Variants in ZC3H3 observed in about 807,000 individuals in gnomAD.
ZC3H3 encodes zinc finger CCCH domain-containing protein 3.
In ZC3H3, 36 loss-of-function variants were observed where a neutral mutation model predicts 77.3. The observed-to-expected ratio is 0.47, with a 90% CI of 0.36 to 0.61. The LOEUF is 0.61. Ranked by LOEUF, ZC3H3 falls within the 20% of genes least tolerant of loss-of-function variation. The pLI is 0.00. For missense variants in ZC3H3, 1,331 were observed against 1,312.2 expected, an observed-to-expected ratio of 1.01 and a Z score of -0.22; for synonymous variants, 626 against 555.2, an observed-to-expected ratio of 1.13 and a Z score of -1.79.
intron 5 of ZC3H3, 82 bp downstream of exon 5, chr8:143,475,316 G>C (rs1427867418): frequency 6.8e-7 from 1 of 1,472,398 alleles, no homozygotes; most frequent in East Asian, 2.4e-5. Flanking sequence ...GCATGTTGGA[G>C]GTTAGGGGGT....
At chr8:143,508,709 G>A (rs1305374971) in intron 3 of ZC3H3, among the ~76,000 whole-genome samples, 1 of 152,060 alleles carries the variant, frequency 6.6e-6, no homozygotes, top group Admixed American at 6.5e-5. Context: ...AGGGGCTGCT[G>A]CAAGAGGCCC....
At chr8:143,524,116 G>T (rs1256654114) in intron 3 of ZC3H3, among the ~76,000 whole-genome samples, 1 of 152,256 alleles carries the variant, frequency 6.6e-6, no homozygotes, top group African/African-American at 2.4e-5. Flanking sequence ...AGTGTGCCTG[G>T]GAGAGACACC....
intron 3 of ZC3H3, among the ~76,000 whole-genome samples, chr8:143,534,291 A>C (rs1272788605): frequency 1.3e-5 from 2 of 151,128 alleles, no homozygotes; most frequent in Non-Finnish European, 3.0e-5. Context: ...AAAAAAAAAA[A>C]AAAAACGACG....
intron 1 of ZC3H3, 33 bp downstream of exon 1, chr8:143,541,343 G>A (rs773551592): frequency 5.9e-5 from 95 of 1,605,388 alleles, no homozygotes; most frequent in Non-Finnish European, 7.5e-5. Context: ...GGGGAAAGAA[G>A]GGGACTCGCG....
rs1307803943 is a variant in ZC3H3, at chr8:143,533,073, G to T, written c.1561+3184C>A. Among the ~76,000 whole-genome samples, 1 of 152,104 alleles carries T rather than the reference G, an allele frequency of 6.6e-6. No individual in the cohort carries two copies. The highest frequency in any genetic ancestry group is 1.5e-5 in the Non-Finnish European group (1 of 68,008). Reference sequence around the variant, plus strand: ...ACTCGGGCCTGCCAGACACCCCGGGGCCCTGGACACGCCCCTCCCAGGGTC... The same window carrying T: ...ACTCGGGCCTGCCAGACACCCCGGGTCCCTGGACACGCCCCTCCCAGGGTC... On this transcript the variant is annotated intron_variant, in intron 3 of 11. Transcript: ENST00000262577. The surrounding 1 kb of genome is among the most constrained non-coding windows in gnomAD (Gnocchi z 4.0).
In ZC3H3 at chr8:143,541,382, G is replaced by C. The variant is rs751380174; in HGVS notation, c.40C>G (p.Leu14Val). 10 of 1,611,618 alleles carry C rather than the reference G, an allele frequency of 6.2e-6. No homozygotes were observed. Among genetic ancestry groups the C allele is most frequent in the Non-Finnish European group, 2.5e-6 (3 of 1,179,414 alleles). Reference protein sequence around the residue: ...KEILRRQIRLLQGLIDDYKTL... With the variant: ...KEILRRQIRLVQGLIDDYKTL... ...CGGCCCCGGCCGGACCTACCCTGCA[G>C]TAGGCGGATCTGCCGCCGTAATATC... is the stretch of plus-strand genomic sequence containing the variant. The change falls in exon 1 of 12, where the codon CTG (leucine) becomes GTG (valine). Residue 14 changes from leucine to valine, a missense_variant. Transcript: ENST00000262577.
intron 3 of ZC3H3, among the ~76,000 whole-genome samples, chr8:143,512,386 C>T (rs1283910211): frequency 1.3e-5 from 2 of 152,250 alleles, no homozygotes; most frequent in East Asian, 1.9e-4. Context: ...GCAGCTTGCA[C>T]GCCTGCAAAC....
intron 9 of ZC3H3, among the ~76,000 whole-genome samples, chr8:143,464,721 A>C (rs1201475221): frequency 6.6e-6 from 1 of 152,136 alleles, no homozygotes; most frequent in Non-Finnish European, 1.5e-5. Flanking sequence ...CAGCGCCAAC[A>C]CAAGTGTGAG....
Position 143,538,180 on chromosome 8 carries a change from G to A in ZC3H3, c.1187C>T (p.Ser396Leu), listed in dbSNP as rs762877495. 3.6e-5 allele frequency: 58 copies of A among 1,612,894 alleles called. No homozygotes were observed. The highest frequency in any genetic ancestry group is 4.7e-5 in the Non-Finnish European group (56 of 1,180,024). ...ASSSSSFRWQ[S>L]EASSKDHASQ... ...GGCATGGTCCTTGCTGCTGGCCTCC[G>A]ACTGCCAACGGAAGGAGGAAGAGGA... The change falls in exon 2 of 12, where the codon TCG (serine) becomes TTG (leucine). Residue 396 changes from serine (S) to leucine (L), a missense_variant. Physicochemically the swap from Ser to Leu is moderately radical, Grantham distance 145. Around this residue, in one of 3 missense-constraint regions of ZC3H3, gnomAD observed 978 missense variants for 915.5 expected, o/e 1.07. Coordinates refer to ENST00000262577, the MANE Select transcript of ZC3H3 (RefSeq NM_015117.3).
At position 143,507,793 on chromosome 8, in the gene ZC3H3, G is replaced by T. The variant is rs199588360; in HGVS notation, c.1668C>A (p.Phe556Leu). 1.6e-5 allele frequency: 26 copies of T among 1,603,762 alleles called. No homozygotes were observed. Among genetic ancestry groups the T allele is most frequent in the Non-Finnish European group, 1.9e-5 (22 of 1,176,954 alleles). The stretch of plus-strand genomic sequence containing the variant: ...CCCGCCAGGAGGGCAGAGACAGGGG[G>T]AAGGGCGGGGCGCTGAGAGGCGAGG... ...TPASPLSAPP[F>L]PLSLPSWRAR... The change falls in exon 4 of 12, where the codon TTC becomes TTA. Residue 556 changes from phenylalanine (F) to leucine (L), a missense_variant. By Grantham distance (22) the Phe-to-Leu change is conservative (BLOSUM62 0). Around this residue, in one of 3 missense-constraint regions of ZC3H3, gnomAD observed 978 missense variants for 915.5 expected, o/e 1.07. Transcript: ENST00000262577.
At chr8:143,527,151 G>A (rs1473876313) in intron 3 of ZC3H3, among the ~76,000 whole-genome samples, 5 of 152,220 alleles carry the variant, frequency 3.3e-5, no homozygotes, top group Non-Finnish European at 7.4e-5. Context: ...CCTGTGTCCT[G>A]CACCCCAACA....
At position 143,494,007 on chromosome 8, in the gene ZC3H3, G is replaced by A. The variant is rs1042359385; in HGVS notation, c.1715+13739C>T. Among the ~76,000 whole-genome samples, 10 of 152,196 alleles carry A rather than the reference G, an allele frequency of 6.6e-5. No individual in the cohort carries two copies. Among genetic ancestry groups the A allele is most frequent in the Admixed American group, 2.0e-4 (3 of 15,274 alleles). On this transcript the variant is annotated intron_variant, in intron 4 of 11. Coordinates refer to ENST00000262577, the MANE Select transcript of ZC3H3 (RefSeq NM_015117.3). This position sits in a 1 kb window ranked among gnomAD's most constrained non-coding sequence, Gnocchi z 5.3. Reference sequence around the variant, plus strand: ...TAACTTTTACAGCACTTGGGGAGCCGTAACCGCCTGTTCCCATAAAATAAA... The same window carrying A: ...TAACTTTTACAGCACTTGGGGAGCCATAACCGCCTGTTCCCATAAAATAAA...
intron 4 of ZC3H3, among the ~76,000 whole-genome samples, chr8:143,495,281 T>G (rs1408648638): frequency 2.6e-5 from 4 of 152,124 alleles, no homozygotes; most frequent in Admixed American, 2.0e-4. Context: ...AGATGCCAAG[T>G]GAGTGAGCCA....
rs546520664 is a variant in ZC3H3, at chr8:143,478,038, G to A, written c.1716-2453C>T. ...TCGGGGGAAGCACCCAATCCTGCAT[G>A]CCTGACCCCGCCCACGGCACAGGCT... On this transcript the variant is annotated intron_variant, in intron 4 of 11. Transcript: ENST00000262577. Among the ~76,000 whole-genome samples the A allele has an allele frequency of 2.6e-5, 4 of 152,282 alleles. No homozygotes were observed. The South Asian group carries it at 8.3e-4, about 32-fold the overall frequency.
chr8:143,478,511 A>AT (rs1586905727), intron 4 of ZC3H3, among the ~76,000 whole-genome samples: 2 of 151,944 alleles, frequency 1.3e-5, no homozygotes, highest in African/African-American at 4.8e-5. Flanking sequence ...GCTCCTTCTT[A>AT]TTTTTTTGTT....
intron 9 of ZC3H3, among the ~76,000 whole-genome samples, chr8:143,453,935 T>C (rs779016820): frequency 6.6e-6 from 1 of 152,212 alleles, no homozygotes; most frequent in Non-Finnish European, 1.5e-5. Context: ...TATAATATAA[T>C]ACCCAAGGTA....
chr8:143,512,916 C>A lies in ZC3H3; in HGVS notation c.1562-5017G>T, dbSNP rs550429539. ...GGGCAGGACCCCGGGAAGTGCCCCT[C>A]CAGGAGAGCCGAGCCTGCCTGGAAG... On this transcript the variant is annotated intron_variant, in intron 3 of 11. Coordinates refer to ENST00000262577, the MANE Select transcript of ZC3H3 (RefSeq NM_015117.3). Among the ~76,000 whole-genome samples the A allele has an allele frequency of 2.0e-5, 3 of 152,330 alleles. No individual in the cohort carries two copies. In the East Asian group the frequency reaches 5.8e-4, roughly 29 times the overall value.
intron 3 of ZC3H3, among the ~76,000 whole-genome samples, chr8:143,512,147 C>T (rs1821888084): frequency 6.6e-6 from 1 of 152,226 alleles, no homozygotes; most frequent in Non-Finnish European, 1.5e-5. Context: ...GCAAGGAGAG[C>T]GAGCAGGGAA....
intron 4 of ZC3H3, among the ~76,000 whole-genome samples, chr8:143,486,663 A>G (rs138130137): frequency 0.029 from 4,341 of 151,056 alleles, 201 homozygotes; most frequent in African/African-American, 0.099. Flanking sequence ...CCGCTACATG[A>G]CCCCACCACC....
Sources: gnomAD v4.1 joint callset for allele counts (sites outside exome capture counted in the v4.1 genomes callset) on GRCh38, gnomAD v4.1.1 for gene constraint, gnomAD v4.1.1 regional missense constraint, Gnocchi (gnomAD v3.1) non-coding constraint, MANE v1.5 for transcripts, NCBI Gene and HGNC (gene_info 2026-07-23, HGNC 2026-07-21) for gene names.